The following ERC2 variants were observed in gnomAD, a reference collection of about 807,000 sequenced individuals.
ERC2 encodes the protein ERC protein 2.
Under a neutral mutation model 114.8 loss-of-function variants are expected in ERC2, and 42 were observed. The ratio of observed to expected loss-of-function variants is 0.37; its 90% CI spans 0.29 to 0.47. The LOEUF (loss-of-function observed/expected upper bound fraction) is 0.47, where lower values mean the gene tolerates loss of function less well. Among genes scored for constraint, ERC2 ranks in the 20% least tolerant of loss-of-function variants. The pLI is 0.99. For missense variants in ERC2, 939 were observed against 1,150.7 expected, an observed-to-expected ratio of 0.82 and a Z score of 2.66; for synonymous variants, 454 against 425.5, an observed-to-expected ratio of 1.07 and a Z score of -0.82.
chr3:55,896,741 T>G (rs1264561239), intron 13 of ERC2, among the ~76,000 whole-genome samples: 4 of 152,236 alleles, frequency 2.6e-5, no homozygotes. Flanking sequence ...AAGATTACAT[T>G]TTTAAAATAC....
chr3:55,942,644 T>C (rs1457087616), intron 13 of ERC2, among the ~76,000 whole-genome samples: 1 of 152,030 alleles, frequency 6.6e-6, no homozygotes, highest in Non-Finnish European at 1.5e-5. Flanking sequence ...GCTCAAACCT[T>C]GTAGGGCTTT....
rs370027021 is a variant in ERC2, at chr3:56,092,544, C to G, written c.1474-11560G>C. Among the ~76,000 whole-genome samples the G allele has an allele frequency of 1.3e-4, 20 of 152,320 alleles. No homozygotes were observed. The South Asian group carries it at 2.1e-3, about 16-fold the overall frequency. The stretch of plus-strand genomic sequence containing the variant: ...ATACTTAAAGTTTTCGTTAATAAAA[C>G]TTCCAACACTAACCTTACCTCATTG... On this transcript the variant is annotated intron_variant, in intron 6 of 17. Coordinates refer to ENST00000288221, the MANE Select transcript of ERC2 (RefSeq NM_015576.3).
chr3:56,030,033 C>T (rs2074283380), intron 7 of ERC2, among the ~76,000 whole-genome samples: 1 of 152,100 alleles, frequency 6.6e-6, no homozygotes, highest in Non-Finnish European at 1.5e-5. Context: ...CATTCAGTTT[C>T]ATGTATGTTT....
intron 7 of ERC2, among the ~76,000 whole-genome samples, chr3:56,025,050 T>G (rs2073958510): frequency 1.3e-5 from 2 of 152,184 alleles, no homozygotes; most frequent in South Asian, 4.1e-4. Flanking sequence ...AAGTGCACAG[T>G]AAGACCACAT....
intron 14 of ERC2, among the ~76,000 whole-genome samples, chr3:55,829,902 AAAT>A (rs1400965182): frequency 6.6e-6 from 1 of 152,246 alleles, no homozygotes; most frequent in Non-Finnish European, 1.5e-5. Flanking sequence ...TTTGAAGAAA[AAAT>A]AATAACTGAA....
intron 2 of ERC2, among the ~76,000 whole-genome samples, chr3:56,358,906 T>C (rs1238296010): frequency 1.3e-5 from 2 of 152,230 alleles, no homozygotes; most frequent in Non-Finnish European, 2.9e-5. Flanking sequence ...TGACTTGTCA[T>C]CACTGAGGTG....
At chr3:55,898,326 T>C (rs536634344) in intron 13 of ERC2, among the ~76,000 whole-genome samples, 1 of 152,254 alleles carries the variant, frequency 6.6e-6, no homozygotes, top group Non-Finnish European at 1.5e-5. Flanking sequence ...TTATTACACG[T>C]GTGTCACAGT....
intron 17 of ERC2, among the ~76,000 whole-genome samples, chr3:55,561,900 C>A (rs1407259768): frequency 6.6e-6 from 1 of 152,172 alleles, no homozygotes; most frequent in Non-Finnish European, 1.5e-5. Context: ...TGAATTTTCA[C>A]TGGAACCATC....
chr3:56,209,079 T>A (rs946187226), intron 3 of ERC2, among the ~76,000 whole-genome samples: 1 of 152,098 alleles, frequency 6.6e-6, no homozygotes, highest in Non-Finnish European at 1.5e-5. Context: ...ACCCAATGGA[T>A]CAAGTCCAAG....
intron 6 of ERC2, among the ~76,000 whole-genome samples, chr3:56,099,479 C>A (rs566622316): frequency 6.6e-6 from 1 of 152,224 alleles, no homozygotes; most frequent in South Asian, 2.1e-4. Context: ...GGGAGTGATA[C>A]GTAAACCAAC....
At chr3:56,026,713 C>T (rs1233191644) in intron 7 of ERC2, among the ~76,000 whole-genome samples, 2 of 152,160 alleles carry the variant, frequency 1.3e-5, no homozygotes, top group African/African-American at 4.8e-5. Flanking sequence ...CTAATGGTAA[C>T]ATCTAGAATA....
intron 6 of ERC2, among the ~76,000 whole-genome samples, chr3:56,087,814 G>A (rs2077584247): frequency 6.6e-6 from 1 of 152,116 alleles, no homozygotes; most frequent in Non-Finnish European, 1.5e-5. Flanking sequence ...GTAGACTTGA[G>A]TTAAGGGTAT....
At chr3:55,764,116 T>C (rs1159293441) in intron 14 of ERC2, among the ~76,000 whole-genome samples, 3 of 152,236 alleles carry the variant, frequency 2.0e-5, no homozygotes, top group African/African-American at 4.8e-5. Context: ...AATTTTTCTT[T>C]TTATGGATAC....
intron 2 of ERC2, among the ~76,000 whole-genome samples, chr3:56,313,279 T>G (rs2056704870): frequency 6.6e-5 from 10 of 151,790 alleles, no homozygotes; most frequent in Admixed American, 6.6e-4. Flanking sequence ...ACAGTCGTGA[T>G]GGTTTCACTA....
At chr3:56,141,035 C>CA (rs747104662) in intron 5 of ERC2, among the ~76,000 whole-genome samples, 2 of 152,030 alleles carry the variant, frequency 1.3e-5, no homozygotes, top group African/African-American at 4.8e-5. Context: ...AAAACAAAAA[C>CA]AAAAAAATGT....
intron 12 of ERC2, among the ~76,000 whole-genome samples, chr3:55,960,044 T>C (rs147465940): frequency 6.6e-6 from 1 of 152,322 alleles, no homozygotes; most frequent in Non-Finnish European, 1.5e-5. Context: ...CCTGCTTCCA[T>C]GAGAGCTGAA....
chr3:55,933,549 C>A (rs950101795), intron 13 of ERC2, among the ~76,000 whole-genome samples: 3 of 152,204 alleles, frequency 2.0e-5, no homozygotes, highest in Non-Finnish European at 4.4e-5. Flanking sequence ...GCTGCCTTTG[C>A]AGCCTATATG....
intron 2 of ERC2, among the ~76,000 whole-genome samples, chr3:56,343,393 C>T (rs1345564093): frequency 6.6e-6 from 1 of 151,788 alleles, no homozygotes; most frequent in Non-Finnish European, 1.5e-5. Flanking sequence ...AGGCTAGGCA[C>T]AATGGGTTAT....
intron 2 of ERC2, among the ~76,000 whole-genome samples, chr3:56,312,421 G>A (rs988030048): frequency 1.3e-5 from 2 of 152,214 alleles, no homozygotes; most frequent in East Asian, 3.9e-4. Context: ...AATAGAGTGG[G>A]TGATCATAGT....
Sources: gnomAD v4.1 joint callset for allele counts (sites outside exome capture counted in the v4.1 genomes callset) on GRCh38, gnomAD v4.1.1 for gene constraint, MANE v1.5 for transcripts, NCBI Gene and HGNC (gene_info 2026-07-23, HGNC 2026-07-21) for gene names.